The following MYH7 variants were observed in gnomAD, a reference collection of about 807,000 sequenced individuals.
MYH7 encodes the protein myosin-7.
Under a neutral mutation model 225.4 loss-of-function variants are expected in MYH7, and 129 were observed. That is an observed-to-expected ratio of 0.57 (90% CI 0.50 to 0.66). The LOEUF is 0.66. Among genes scored for constraint, MYH7 ranks in the 30% least tolerant of loss-of-function variants. MYH7 has a pLI of 0.00. For synonymous variants in MYH7, 971 were observed against 1,007.6 expected, an observed-to-expected ratio of 0.96 and a Z score of 0.69; for missense variants, 1,649 against 2,517.0, an observed-to-expected ratio of 0.66 and a Z score of 7.38.
intron 27 of MYH7, 34 bp downstream of exon 27, chr14:23,419,811 G>A: frequency 6.2e-7 from 1 of 1,614,026 alleles, no homozygotes; most frequent in South Asian, 1.1e-5. Flanking sequence ...GTGGGAGGAG[G>A]AAGTTGGAGG....
rs139928934 is a variant in MYH7, at chr14:23,417,159, G to A, written c.4513C>T (p.Leu1505=). 2.8e-5 allele frequency: 45 copies of A among 1,614,146 alleles called. No homozygotes were observed. The African/African-American group carries it at 4.9e-4, about 18-fold the overall frequency. The part of the protein sequence containing the change: ...LETFKRENKN[L]QEEISDLTEQ... ...TCTTGGGCCCCCAGCACACCCTGCA[G>A]GTTTTTGTTCTCCCGCTTGAAGGTC... The change falls in exon 32 of 40, where the codon CTG becomes TTG. Residue 1505 remains leucine (L), a synonymous_variant. Coordinates refer to ENST00000355349, the MANE Select transcript of MYH7 (RefSeq NM_000257.4).
chr14:23,424,283 G>A, intron 22 of MYH7, 134 bp from the exon 23 acceptor site: 1 of 1,181,890 alleles, frequency 8.5e-7, no homozygotes, highest in Non-Finnish European at 1.2e-6. Context: ...AGCTTCAGAA[G>A]TATGGGGAGG....
chr14:23,416,396 G>A (rs995158635), intron 33 of MYH7, 84 bp from the exon 34 acceptor site: 15 of 1,440,712 alleles, frequency 1.0e-5, no homozygotes, highest in African/African-American at 7.1e-5. Context: ...TCATGGATAC[G>A]AAGTGACTTC....
At chr14:23,424,383 C>T (rs1892609354) in intron 22 of MYH7, among the ~76,000 whole-genome samples, 2 of 152,220 alleles carry the variant, frequency 1.3e-5, no homozygotes, top group Non-Finnish European at 2.9e-5. Flanking sequence ...ACCTCTTCCT[C>T]TGGTCTCCTC....
rs761379801 is a variant in MYH7, at chr14:23,425,448, T to G, written c.2287-30A>C. On this transcript the variant is annotated intron_variant, in intron 20 of 39. Transcript: ENST00000355349. This position sits in a 1 kb window ranked among gnomAD's most constrained non-coding sequence, Gnocchi z 4.6. The stretch of plus-strand genomic sequence containing the variant: ...AGGCAAGGTGTGTGTTGGCCATGAC[T>G]AGGGAGGGGTACGAGGGAAAGAGAT... 6.2e-7 allele frequency: 1 copy of G among 1,613,710 alleles called. No homozygotes were observed. The highest frequency in any genetic ancestry group is 8.5e-7 in the Non-Finnish European group (1 of 1,179,956).
intron 17 of MYH7, 150 bp downstream of exon 17, chr14:23,427,090 C>CAGA: frequency 1.2e-6 from 1 of 841,914 alleles, no homozygotes; most frequent in South Asian, 1.5e-5. Flanking sequence ...CAGGAGATGA[C>CAGA]GGGAAGAGAA....
Position 23,430,622 on chromosome 14 carries a change from T to C in MYH7, c.937A>G (p.Ile313Val), listed in dbSNP as rs1323103660. ...ITNNPYDYAF[I>V]SQGETTVASI... is the part of the protein sequence containing the mutation. ...GCCACGGTGGTCTCTCCTTGGGAGA[T>C]GAATGCATAATCGTAGGGGTTGTTG... The change falls in exon 11 of 40, where the codon ATC becomes GTC. Residue 313 changes from isoleucine to valine, a missense_variant. Transcript: ENST00000355349. The C allele has an allele frequency of 6.2e-7, 1 of 1,614,032 alleles. No homozygotes were observed. Among genetic ancestry groups the C allele is most frequent in the Admixed American group, 1.7e-5 (1 of 60,018 alleles).
chr14:23,420,318 T>C lies in MYH7; in HGVS notation c.3337-84A>G, dbSNP rs989253143. 1.2e-5 allele frequency: 18 copies of C among 1,553,170 alleles called. No individual in the cohort carries two copies. In the African/African-American group the frequency reaches 2.3e-4, roughly 20 times the overall value. On this transcript the variant is annotated intron_variant, in intron 26 of 39. Transcript: ENST00000355349. ...GGCTCTAAAAGGCTCTCGGCTTCTC[T>C]GGAACAGCAAGTCAGTTTAGCTCTT...
intron 13 of MYH7, 46 bp from the exon 14 acceptor site, chr14:23,429,150 G>A (rs753592575): frequency 1.2e-6 from 2 of 1,614,192 alleles, no homozygotes; most frequent in East Asian, 2.2e-5. Context: ...TTGTTGGGAA[G>A]AGTGAACTTG....
intron 18 of MYH7, 107 bp downstream of exon 18, chr14:23,426,670 T>C: frequency 9.8e-7 from 1 of 1,017,970 alleles, no homozygotes; most frequent in Non-Finnish European, 1.5e-6. Context: ...AGGAGAAGAA[T>C]GTGGTTTGGA....
rs984828394 is a variant in MYH7, at chr14:23,425,226, C to T, written c.2423+56G>A. On this transcript the variant is annotated intron_variant, in intron 21 of 39. Coordinates refer to ENST00000355349, the MANE Select transcript of MYH7 (RefSeq NM_000257.4). The surrounding 1 kb of genome is among the most constrained non-coding windows in gnomAD (Gnocchi z 4.6). ...GCTGAGCTTTTTTTCCTGACACTGC[C>T]CCTGAACCAGCCTGGGCCTCAGAGA... 1.4e-5 allele frequency: 22 copies of T among 1,613,870 alleles called. No homozygotes were observed. The highest frequency in any genetic ancestry group is 3.3e-5 in the Admixed American group (2 of 59,988).
chr14:23,425,467 A>G lies in MYH7; in HGVS notation c.2287-49T>C, dbSNP rs1470299660. On this transcript the variant is annotated intron_variant, in intron 20 of 39. Coordinates refer to ENST00000355349, the MANE Select transcript of MYH7 (RefSeq NM_000257.4). This position sits in a 1 kb window ranked among gnomAD's most constrained non-coding sequence, Gnocchi z 4.6. ...CATGACTAGGGAGGGGTACGAGGGA[A>G]AGAGATGGTGGGGATTACCTTAGGA... 2.5e-6 allele frequency: 4 copies of G among 1,613,540 alleles called. No homozygotes were observed. Among genetic ancestry groups the G allele is most frequent in the Non-Finnish European group, 3.4e-6 (4 of 1,179,932 alleles).
rs370093487 is a variant in MYH7, at chr14:23,417,325, G to A, written c.4354-7C>T. The A allele has an allele frequency of 2.4e-5, 38 of 1,613,304 alleles. No homozygotes were observed. The highest frequency in any genetic ancestry group is 1.8e-4 in the Middle Eastern group (1 of 5,622). ...GCTTCCACTCGGCCAGGATCTGCCC[G>A]GGGACAAGGCTCACTCTTCAGCCCC... On this transcript the variant is annotated splice_region_variant and splice_polypyrimidine_tract_variant and intron_variant, in intron 31 of 39. Transcript: ENST00000355349.
intron 26 of MYH7, 92 bp downstream of exon 26, chr14:23,420,866 T>C (rs1892445017): frequency 1.1e-6 from 1 of 950,750 alleles, no homozygotes; most frequent in Non-Finnish European, 1.7e-6. Flanking sequence ...TCAGTTCCTG[T>C]AATGCTGTGA....
At position 23,423,709 on chromosome 14, in the gene MYH7, T is replaced by C. The variant is rs1566530342; in HGVS notation, c.2937A>G (p.Thr979=). ...TCTCATCCAGCCCAGCCATCTCCTCTGTCAGGTTTTTCACCTGCCGACCAA... is the reference window on the plus strand; with the variant it reads ...TCTCATCCAGCCCAGCCATCTCCTCCGTCAGGTTTTTCACCTGCCGACCAA... ...HATENKVKNL[T]EEMAGLDEII... The change falls in exon 24 of 40, where the codon ACA becomes ACG. Residue 979 remains threonine (T), a synonymous_variant. Transcript: ENST00000355349. The C allele has an allele frequency of 1.2e-6, 2 of 1,614,134 alleles. No homozygotes were observed. The highest frequency in any genetic ancestry group is 2.7e-5 in the African/African-American group (2 of 75,028).
intron 16 of MYH7, 62 bp from the exon 17 acceptor site, chr14:23,427,369 A>G (rs1892734094): frequency 4.4e-6 from 7 of 1,578,102 alleles, no homozygotes; most frequent in Non-Finnish European, 6.1e-6. Flanking sequence ...TGAGTAAAGA[A>G]TCACAGCCCC....
At chr14:23,432,834 AG>A in intron 4 of MYH7, 39 bp from the exon 5 acceptor site, 1 of 1,613,392 alleles carries the variant, frequency 6.2e-7, no homozygotes, top group Non-Finnish European at 8.5e-7. Flanking sequence ...CCAGTTGCGA[AG>A]GGGGAGGGCT....
At chr14:23,419,352 C>T in intron 28 of MYH7, 57 bp from the exon 29 acceptor site, 2 of 1,612,536 alleles carry the variant, frequency 1.2e-6, no homozygotes, top group South Asian at 1.1e-5. Flanking sequence ...CCTCCTCTAG[C>T]CCTCAGGCCC....
At position 23,414,041 on chromosome 14, in the gene MYH7, T is replaced by A; in HGVS notation, c.5621A>T (p.Lys1874Met). 6.2e-7 allele frequency: 1 copy of A among 1,614,144 alleles called. No homozygotes were observed. Among genetic ancestry groups the A allele is most frequent in the Non-Finnish European group, 8.5e-7 (1 of 1,180,048 alleles). Residue 1874 changes from lysine (K) to methionine (M), a missense_variant, in exon 38 of 40, where the codon AAG becomes ATG. Physicochemically the swap from Lys to Met is moderately conservative, Grantham distance 95. Transcript: ENST00000355349. ...GGCCTGGCGCTTGTAGGCCTTGACC[T>A]TTAGCTGCAGCTTGTCTACCAGGTC... ...LQDLVDKLQL[K>M]VKAYKRQAEE...
Sources: gnomAD v4.1 joint callset for allele counts (sites outside exome capture counted in the v4.1 genomes callset) on GRCh38, gnomAD v4.1.1 for gene constraint, Gnocchi (gnomAD v3.1) non-coding constraint, MANE v1.5 for transcripts, NCBI Gene and HGNC (gene_info 2026-07-23, HGNC 2026-07-21) for gene names.